The following CALN1 variants were observed in gnomAD, a reference collection of about 807,000 sequenced individuals.
CALN1 encodes the protein calneuron 1, also known as calcium-binding protein 8.
CALN1 carries 17 observed loss-of-function variants against 30.6 expected under a neutral mutation model. That is an observed-to-expected ratio of 0.56 (90% CI 0.38 to 0.83). CALN1 has a LOEUF of 0.83. Among genes scored for constraint, CALN1 ranks in the 40% least tolerant of loss-of-function variants. The pLI is 0.00. For missense variants in CALN1, 291 were observed against 354.9 expected (o/e 0.82, Z 1.45); for synonymous variants, 156 against 131.4 (o/e 1.19, Z -1.28).
chr7:72,327,813 CA>C (rs1362475659), intron 2 of CALN1, among the ~76,000 whole-genome samples: 1 of 152,068 alleles, frequency 6.6e-6, no homozygotes, highest in Non-Finnish European at 1.5e-5. Context: ...ACTAAAAAGG[CA>C]AGGTTCAGTT....
intron 4 of CALN1, among the ~76,000 whole-genome samples, chr7:72,104,924 T>C (rs2129541171): frequency 6.6e-6 from 1 of 151,948 alleles, no homozygotes; most frequent in East Asian, 1.9e-4. Context: ...ATCACTGTAC[T>C]CCAGCCTGGG....
chr7:72,308,195 C>T (rs1438657056), intron 2 of CALN1, among the ~76,000 whole-genome samples: 9 of 152,094 alleles, frequency 5.9e-5, no homozygotes, highest in Admixed American at 3.3e-4. Flanking sequence ...AAAACCTCAC[C>T]TCTACTAAAA....
chr7:72,081,421 G>GTGTGTGTGTGTGTGTGTGTGTC (rs908647589), intron 4 of CALN1, among the ~76,000 whole-genome samples: 5 of 151,910 alleles, frequency 3.3e-5, no homozygotes, highest in South Asian at 4.2e-4. Flanking sequence ...GTGTGTGTGT[G>GTGTGTGTGTGTGTGTGTGTGTC]TGTTTGTTTT....
intron 5 of CALN1, among the ~76,000 whole-genome samples, chr7:71,830,923 A>G (rs1789238354): frequency 6.6e-6 from 1 of 152,236 alleles, no homozygotes; most frequent in Non-Finnish European, 1.5e-5. Flanking sequence ...GTTATCGCAG[A>G]GGTAAGAACT....
intron 3 of CALN1, among the ~76,000 whole-genome samples, chr7:72,237,275 C>T (rs1350168102): frequency 6.6e-6 from 1 of 152,182 alleles, no homozygotes; most frequent in Non-Finnish European, 1.5e-5. Flanking sequence ...TGAGCCACTA[C>T]ACCTGGCCCT....
intron 5 of CALN1, among the ~76,000 whole-genome samples, chr7:71,956,809 G>A (rs1054458501): frequency 3.9e-5 from 6 of 152,136 alleles, no homozygotes; most frequent in Non-Finnish European, 7.3e-5. Context: ...CGATTCTCCT[G>A]TCTCAGCCTC....
chr7:71,831,774 C>T (rs1376223161), intron 5 of CALN1, among the ~76,000 whole-genome samples: 1 of 144,334 alleles, frequency 6.9e-6, no homozygotes, highest in Non-Finnish European at 1.5e-5. Context: ...CACCTGTAGT[C>T]GCAGCTACTC....
intron 5 of CALN1, among the ~76,000 whole-genome samples, chr7:72,005,482 C>G (rs560439544): frequency 3.9e-5 from 6 of 152,110 alleles, no homozygotes; most frequent in African/African-American, 9.6e-5. Context: ...GCACACACCA[C>G]CATGCCCAGC....
At chr7:72,293,191 CCAAA>C (rs1320870498) in intron 2 of CALN1, among the ~76,000 whole-genome samples, 1 of 152,134 alleles carries the variant, frequency 6.6e-6, no homozygotes, top group African/African-American at 2.4e-5. Flanking sequence ...GGTGGAAAAG[CCAAA>C]CAGAGATACT....
At chr7:71,806,721 C>CT (rs1787644372) in intron 6 of CALN1, among the ~76,000 whole-genome samples, 1 of 96,224 alleles carries the variant, frequency 1.0e-5, no homozygotes, top group Non-Finnish European at 2.5e-5. Flanking sequence ...GTCTGAAGGA[C>CT]CCCCCCCCAG....
intron 2 of CALN1, among the ~76,000 whole-genome samples, chr7:72,398,980 G>A (rs1417895448): frequency 1.3e-5 from 2 of 152,148 alleles, no homozygotes; most frequent in Non-Finnish European, 2.9e-5. Context: ...ATGCCAAGGA[G>A]TCACCTTGAC....
chr7:72,194,735 G>A (rs1315974079), intron 3 of CALN1, among the ~76,000 whole-genome samples: 1 of 151,674 alleles, frequency 6.6e-6, no homozygotes, highest in Non-Finnish European at 1.5e-5. Flanking sequence ...GGGATTACAG[G>A]TGCCAGCCAC....
chr7:72,333,920 C>G (rs1340318584), intron 2 of CALN1, among the ~76,000 whole-genome samples: 2 of 152,158 alleles, frequency 1.3e-5, no homozygotes, highest in African/African-American at 4.8e-5. Flanking sequence ...GTGTCTGACT[C>G]TAAACAAGTT....
chr7:72,243,730 T>C (rs545451933), intron 3 of CALN1, among the ~76,000 whole-genome samples: 1 of 152,264 alleles, frequency 6.6e-6, no homozygotes, highest in East Asian at 1.9e-4. Context: ...AGATTCTGTA[T>C]GTGGACAGCA....
At chr7:72,132,677 C>T (rs982389850) in intron 3 of CALN1, among the ~76,000 whole-genome samples, 16 of 152,206 alleles carry the variant, frequency 1.1e-4, no homozygotes, top group African/African-American at 3.9e-4. Context: ...GCTGAATCTG[C>T]ACTTATATGC....
chr7:72,385,070 C>T (rs566536172), intron 2 of CALN1, among the ~76,000 whole-genome samples: 1 of 152,078 alleles, frequency 6.6e-6, no homozygotes, highest in African/African-American at 2.4e-5. Flanking sequence ...CAACAGCGCT[C>T]GTCATAGAGA....
At chr7:72,058,349 G>T (rs370439902) in intron 4 of CALN1, among the ~76,000 whole-genome samples, 1 of 118,812 alleles carries the variant, frequency 8.4e-6, no homozygotes, top group Non-Finnish European at 1.6e-5. Context: ...ACGGAGTCTC[G>T]CACTGTTGCC....
intron 4 of CALN1, among the ~76,000 whole-genome samples, chr7:72,058,295 G>T (rs1002049842): frequency 6.8e-6 from 1 of 146,158 alleles, no homozygotes; most frequent in Non-Finnish European, 1.5e-5. Context: ...GCTACAAGCT[G>T]CAACAAGCTG....
chr7:72,090,787 C>A (rs904209915), intron 4 of CALN1, among the ~76,000 whole-genome samples: 1 of 152,074 alleles, frequency 6.6e-6, no homozygotes, highest in African/African-American at 2.4e-5. Context: ...ATGGGTTGAA[C>A]TGGAAGACAC....
Sources: allele counts gnomAD v4.1 joint callset (sites outside exome capture counted in the v4.1 genomes callset), GRCh38; gene constraint gnomAD v4.1.1; transcripts MANE v1.5; gene names NCBI Gene and HGNC (gene_info 2026-07-23, HGNC 2026-07-21).